ROBO1: variants seen among roughly 807,000 people sequenced by gnomAD.
The protein encoded by ROBO1 is roundabout guidance receptor 1, also known as roundabout homolog 1.
ROBO1 carries 149 observed loss-of-function variants against 195.9 expected under a neutral mutation model. The ratio of observed to expected loss-of-function variants is 0.76; its 90% confidence interval spans 0.67 to 0.87. ROBO1 has a LOEUF of 0.87. ROBO1 is among the 40% of genes least tolerant of loss of function. The pLI is 0.00. For missense variants in ROBO1, 1,933 were observed against 2,068.3 expected (o/e 0.93, Z 1.27); for synonymous variants, 816 against 733.2 (o/e 1.11, Z -1.82).
At chr3:78,711,013 G>C (rs551823448) in intron 8 of ROBO1, among the ~76,000 whole-genome samples, 1 of 152,148 alleles carries the variant, frequency 6.6e-6, no homozygotes, top group African/African-American at 2.4e-5. Flanking sequence ...ATTTTACTCT[G>C]TTCCCTTTTC....
chr3:79,496,331 A>G (rs1939733753), intron 2 of ROBO1, among the ~76,000 whole-genome samples: 1 of 149,466 alleles, frequency 6.7e-6, no homozygotes, highest in Admixed American at 6.7e-5. Flanking sequence ...TGATTTGACA[A>G]TAAAAAAAAA....
intron 2 of ROBO1, among the ~76,000 whole-genome samples, chr3:79,170,708 T>TA (rs1443943110): frequency 6.6e-6 from 1 of 152,036 alleles, no homozygotes; most frequent in Non-Finnish European, 1.5e-5. Flanking sequence ...TTAGACAAGT[T>TA]ATTTTTTTTT....
At chr3:78,744,718 G>A (rs1361602171) in intron 5 of ROBO1, among the ~76,000 whole-genome samples, 2 of 151,962 alleles carry the variant, frequency 1.3e-5, no homozygotes, top group Non-Finnish European at 2.9e-5. Context: ...AGGTTTTTAT[G>A]TGAGGCATTC....
At chr3:79,009,604 A>G (rs1351410345) in intron 3 of ROBO1, among the ~76,000 whole-genome samples, 1 of 152,180 alleles carries the variant, frequency 6.6e-6, no homozygotes, top group Non-Finnish European at 1.5e-5. Flanking sequence ...CTGAAAGAGT[A>G]TTGATTACAG....
intron 4 of ROBO1, among the ~76,000 whole-genome samples, chr3:78,819,136 T>C (rs1018912835): frequency 6.6e-6 from 1 of 152,154 alleles, no homozygotes; most frequent in African/African-American, 2.4e-5. Flanking sequence ...GGTAAGGCAT[T>C]GTAATATATT....
chr3:79,244,564 T>C (rs1042509839), intron 2 of ROBO1, among the ~76,000 whole-genome samples: 1 of 152,124 alleles, frequency 6.6e-6, no homozygotes, highest in African/African-American at 2.4e-5. Flanking sequence ...AGTTGTCAAA[T>C]GTGTTTTTGA....
At chr3:79,310,700 C>T (rs1236173768) in intron 2 of ROBO1, among the ~76,000 whole-genome samples, 1 of 152,092 alleles carries the variant, frequency 6.6e-6, no homozygotes. Flanking sequence ...TTGATCATTA[C>T]ACATTGCATA....
intron 3 of ROBO1, among the ~76,000 whole-genome samples, chr3:78,952,474 C>G (rs994874222): frequency 3.3e-5 from 5 of 151,884 alleles, no homozygotes; most frequent in Non-Finnish European, 5.9e-5. Context: ...AGGAGCAGAA[C>G]TGCCTCCAAT....
At chr3:79,163,918 T>C (rs1191620709) in intron 2 of ROBO1, among the ~76,000 whole-genome samples, 1 of 152,162 alleles carries the variant, frequency 6.6e-6, no homozygotes, top group East Asian at 1.9e-4. Context: ...GATTTTCAGA[T>C]TTCCACATTT....
intron 2 of ROBO1, among the ~76,000 whole-genome samples, chr3:79,538,614 G>T (rs1262602086): frequency 6.6e-6 from 1 of 152,062 alleles, no homozygotes; most frequent in Non-Finnish European, 1.5e-5. Flanking sequence ...CAATAGCAAG[G>T]CCACCCATGG....
chr3:79,137,917 A>G (rs1025297516), intron 2 of ROBO1, among the ~76,000 whole-genome samples: 2 of 152,048 alleles, frequency 1.3e-5, no homozygotes, highest in Admixed American at 1.3e-4. Flanking sequence ...TCACAAATCT[A>G]TTTCTGAGGT....
intron 1 of ROBO1, among the ~76,000 whole-genome samples, chr3:79,609,591 GA>G (rs1944592871): frequency 6.6e-6 from 1 of 151,732 alleles, no homozygotes; most frequent in African/African-American, 2.4e-5. Context: ...TTCAAAAGGG[GA>G]AATTTACCCA....
intron 2 of ROBO1, among the ~76,000 whole-genome samples, chr3:79,385,540 T>C (rs1214193649): frequency 6.6e-6 from 1 of 152,124 alleles, no homozygotes; most frequent in Non-Finnish European, 1.5e-5. Context: ...CAGCTAATCC[T>C]AAAGGCGACA....
At chr3:78,693,359 A>G (rs1446629723) in intron 8 of ROBO1, 2 of 1,543,732 alleles carry the variant, frequency 1.3e-6, no homozygotes, top group East Asian at 4.9e-5. Flanking sequence ...AGACCCAACT[A>G]AAACAAAACA....
Position 79,584,627 on chromosome 3 carries a change from G to GTGTA in ROBO1, c.88+5196_88+5197insTACA, listed in dbSNP as rs1943765907. On this transcript the variant is annotated intron_variant, in intron 2 of 30. Transcript: ENST00000464233. Reference sequence around the variant, plus strand: ...GGTGGGTGAGTGTGTGTGTGTGTGTGTGTGTGTGTGTATGTTCATACACAC... The same window carrying GTGTA: ...GGTGGGTGAGTGTGTGTGTGTGTGTGTGTATGTGTGTGTGTATGTTCATACACAC... 4.1e-5 allele frequency among the ~76,000 whole-genome samples: 5 copies of GTGTA among 123,216 alleles called. 1 individual carries two copies. Among genetic ancestry groups the GTGTA allele is most frequent in the Admixed American group, 1.5e-4 (2 of 13,020 alleles). 80.8% of individuals were successfully genotyped at this position (123,216 alleles called of 152,430 possible).
intron 3 of ROBO1, among the ~76,000 whole-genome samples, chr3:79,109,457 G>GT (rs1559665798): frequency 6.6e-6 from 1 of 151,726 alleles, no homozygotes; most frequent in Non-Finnish European, 1.5e-5. Flanking sequence ...TTTTCTGTTT[G>GT]TTTTAAATTC....
At chr3:78,618,790 C>A (rs1337408671) in intron 26 of ROBO1, among the ~76,000 whole-genome samples, 1 of 152,070 alleles carries the variant, frequency 6.6e-6, no homozygotes, top group Admixed American at 6.5e-5. Flanking sequence ...GAGTTGAGGA[C>A]AAAATGAAGT....
intron 2 of ROBO1, among the ~76,000 whole-genome samples, chr3:79,550,181 A>G (rs1424660033): frequency 2.9e-5 from 3 of 104,670 alleles, no homozygotes; most frequent in Non-Finnish European, 5.4e-5. Context: ...GAAAGAAAGA[A>G]AGAAAGAAAG....
At chr3:79,485,143 G>A (rs1559932841) in intron 2 of ROBO1, among the ~76,000 whole-genome samples, 1 of 152,082 alleles carries the variant, frequency 6.6e-6, no homozygotes, top group Non-Finnish European at 1.5e-5. Flanking sequence ...GTGTTGAGCT[G>A]TGTAGCTGCT....
Sources: gnomAD v4.1 joint callset for allele counts (sites outside exome capture counted in the v4.1 genomes callset) on GRCh38, gnomAD v4.1.1 for gene constraint, MANE v1.5 for transcripts, NCBI Gene and HGNC (gene_info 2026-07-23, HGNC 2026-07-21) for gene names.